TIPRL: variants seen among roughly 807,000 people sequenced by gnomAD.
The protein encoded by TIPRL is TIP41-like protein.
In TIPRL, 10 loss-of-function variants were observed where a neutral mutation model predicts 32.3. That is an observed-to-expected ratio of 0.31 (90% CI 0.19 to 0.52). The LOEUF (loss-of-function observed/expected upper bound fraction) is 0.52, where lower values mean the gene tolerates loss of function less well. Among genes scored for constraint, TIPRL ranks in the 20% least tolerant of loss-of-function variants. The pLI is 0.96. For synonymous variants in TIPRL, 100 were observed against 114.0 expected (o/e 0.88, Z 0.78); for missense variants, 250 against 328.1 (o/e 0.76, Z 1.84).
chr1:168,199,505 G>A (rs558486592), intron 6 of TIPRL, among the ~76,000 whole-genome samples: 1 of 152,098 alleles, frequency 6.6e-6, no homozygotes, highest in African/African-American at 2.4e-5. Flanking sequence ...ATTTTTTCAC[G>A]CTTAGTATGT....
intron 3 of TIPRL, among the ~76,000 whole-genome samples, chr1:168,189,760 A>G (rs1013734090): frequency 6.6e-6 from 1 of 152,238 alleles, no homozygotes; most frequent in Non-Finnish European, 1.5e-5. Context: ...AGTTTTAGAC[A>G]TATTTAGCCT....
chr1:168,192,408 G>C, intron 4 of TIPRL: 1 of 1,008,204 alleles, frequency 9.9e-7, no homozygotes. Flanking sequence ...TAACAAGTAT[G>C]GTTATTCATA....
intron 5 of TIPRL, among the ~76,000 whole-genome samples, chr1:168,198,424 C>CA (rs1700179421): frequency 6.6e-6 from 1 of 151,626 alleles, no homozygotes; most frequent in Admixed American, 6.6e-5. Context: ...AATTGAAGTA[C>CA]AAAAAAGGTG....
intron 1 of TIPRL, among the ~76,000 whole-genome samples, chr1:168,179,631 G>C (rs1699936555): frequency 6.6e-6 from 1 of 151,722 alleles, no homozygotes; most frequent in Non-Finnish European, 1.5e-5. Context: ...TCTCGTGAGA[G>C]AGACAGACAA....
At chr1:168,193,602 A>G (rs1197145609) in intron 4 of TIPRL, among the ~76,000 whole-genome samples, 2 of 152,150 alleles carry the variant, frequency 1.3e-5, no homozygotes, top group East Asian at 3.9e-4. Flanking sequence ...TATATATATC[A>G]TGTCTATAAG....
rs184723308 is a variant in TIPRL, at chr1:168,182,686, G to T, written c.105-1216G>T. 2.3e-3 allele frequency among the ~76,000 whole-genome samples: 347 copies of T among 152,276 alleles called. 3 individuals are homozygous for T. Among genetic ancestry groups the T allele is most frequent in the African/African-American group, 8.1e-3 (336 of 41,556 alleles). On this transcript the variant is annotated intron_variant, in intron 1 of 6. Coordinates refer to ENST00000367833, the MANE Select transcript of TIPRL (RefSeq NM_152902.5). ...AAACTCTATATTTAGAACACTGAAG[G>T]ACTGTAAATTAGTAACAGTGATTCT...
At chr1:168,197,249 G>T (rs958302501) in intron 5 of TIPRL, among the ~76,000 whole-genome samples, 2 of 151,202 alleles carry the variant, frequency 1.3e-5, no homozygotes, top group African/African-American at 4.9e-5. Flanking sequence ...GCTGGTGAAG[G>T]TTGAGGCTGC....
intron 3 of TIPRL, among the ~76,000 whole-genome samples, 184 bp downstream of exon 3, chr1:168,185,062 G>A (rs1210805221): frequency 6.6e-6 from 1 of 152,142 alleles, no homozygotes; most frequent in African/African-American, 2.4e-5. Context: ...AATAAAAGAC[G>A]GCATTAGTGG....
intron 5 of TIPRL, 137 bp downstream of exon 5, chr1:168,196,779 C>T (rs1700159158): frequency 2.0e-6 from 1 of 491,464 alleles, no homozygotes; most frequent in Non-Finnish European, 3.4e-6. Flanking sequence ...GAGTGTTTCA[C>T]ATTCACTGTT....
intron 4 of TIPRL, chr1:168,192,415 C>A: frequency 9.9e-7 from 1 of 1,009,344 alleles, no homozygotes; most frequent in Non-Finnish European, 1.2e-6. Flanking sequence ...TATGGTTATT[C>A]ATATTTCTTT....
At chr1:168,193,026 GA>G (rs1428234263) in intron 4 of TIPRL, among the ~76,000 whole-genome samples, 1 of 152,182 alleles carries the variant, frequency 6.6e-6, no homozygotes, top group Non-Finnish European at 1.5e-5. Flanking sequence ...TTTAAAGAAT[GA>G]AAATAATACA....
intron 5 of TIPRL, among the ~76,000 whole-genome samples, chr1:168,197,974 T>A (rs184685929): frequency 2.6e-4 from 39 of 152,294 alleles, no homozygotes; most frequent in African/African-American, 8.9e-4. Flanking sequence ...TAGTATTGTT[T>A]ATAATAGCAG....
chr1:168,198,315 A>G (rs10753767), intron 5 of TIPRL, among the ~76,000 whole-genome samples: 102,298 of 151,866 alleles, frequency 0.67, 36,157 homozygotes, highest in African/African-American at 0.88. Flanking sequence ...CCTTAAAGGC[A>G]TATAATTTTG....
intron 4 of TIPRL, among the ~76,000 whole-genome samples, chr1:168,193,366 G>A (rs1039680699): frequency 2.6e-5 from 4 of 152,062 alleles, no homozygotes; most frequent in Non-Finnish European, 1.5e-5. Flanking sequence ...AGTTTTCTTT[G>A]TATCATCTAA....
At chr1:168,198,778 C>G (rs1700182604) in intron 5 of TIPRL, 141 bp from the exon 6 acceptor site, 5 of 659,240 alleles carry the variant, frequency 7.6e-6, no homozygotes, top group Non-Finnish European at 1.3e-5. Context: ...GGAGTTATCT[C>G]AGTGTAGAAC....
intron 4 of TIPRL, among the ~76,000 whole-genome samples, chr1:168,191,873 A>G (rs1700101680): frequency 6.6e-6 from 1 of 151,664 alleles, no homozygotes; most frequent in Non-Finnish European, 1.5e-5. Flanking sequence ...AAAAAAAAAA[A>G]AAAAAAAGAA....
chr1:168,188,250 T>C (rs1700052231), intron 3 of TIPRL, among the ~76,000 whole-genome samples: 1 of 152,188 alleles, frequency 6.6e-6, no homozygotes, highest in Admixed American at 6.5e-5. Flanking sequence ...ATTTCAGTTC[T>C]AGGATGATGG....
chr1:168,183,051 C>A (rs190672623), intron 1 of TIPRL, among the ~76,000 whole-genome samples: 1 of 152,232 alleles, frequency 6.6e-6, no homozygotes, highest in Admixed American at 6.5e-5. Context: ...CAGAAATACA[C>A]GTTTAGATGT....
In TIPRL at chr1:168,199,901, A is replaced by G; in HGVS notation, c.676-2A>G. On this transcript the variant is annotated splice_acceptor_variant, in intron 6 of 6. Coordinates refer to ENST00000367833, the MANE Select transcript of TIPRL (RefSeq NM_152902.5). LOFTEE classifies it high-confidence loss of function. The stretch of plus-strand genomic sequence containing the variant: ...TGCTAATATGATTTATGTATTTCCT[A>G]GCATGTTCCACCTTCCCTCTTCACG... 6.2e-7 allele frequency: 1 copy of G among 1,611,370 alleles called. No homozygotes were observed. The highest frequency in any genetic ancestry group is 1.3e-5 in the African/African-American group (1 of 74,958).
Sources: allele counts gnomAD v4.1 joint callset (sites outside exome capture counted in the v4.1 genomes callset), GRCh38; gene constraint gnomAD v4.1.1; transcripts MANE v1.5; gene names NCBI Gene and HGNC (gene_info 2026-07-23, HGNC 2026-07-21).